The following IRGM variants were observed in gnomAD, a reference collection of about 807,000 sequenced individuals.
IRGM encodes the protein immunity-related GTPase family M protein.
For synonymous variants in IRGM, 98 were observed against 80.6 expected (o/e 1.22, Z -1.16); for missense variants, 288 against 219.9 (o/e 1.31, Z -1.96).
chr5:150,867,159 CCT>C (rs1264110955), intron 1 of IRGM, among the ~76,000 whole-genome samples: 2 of 152,166 alleles, frequency 1.3e-5, no homozygotes, highest in Non-Finnish European at 2.9e-5. Context: ...TCATCTTCCC[CCT>C]GAGTCACCAA....
chr5:150,850,646 C>G (rs1011693752), downstream of IRGM, among the ~76,000 whole-genome samples: 3 of 152,130 alleles, frequency 2.0e-5, no homozygotes, highest in Admixed American at 2.0e-4. Context: ...ACTTGAGCCT[C>G]GAACTCATGG....
chr5:150,900,610 C>T (rs372153411), exon 4 of IRGM: 10 of 152,052 alleles, frequency 6.6e-5, no homozygotes, highest in South Asian at 2.1e-4. Flanking sequence ...GAAAACTATA[C>T]GTAAATCTGC....
rs143586462 is a variant in IRGM, at chr5:150,885,752, T to C, written c.*140+6106T>C. 1.0e-3 allele frequency among the ~76,000 whole-genome samples: 154 copies of C among 152,272 alleles called. 1 individual carries two copies. Among genetic ancestry groups the C allele is most frequent in the African/African-American group, 3.6e-3 (148 of 41,584 alleles). ...GGTGTATAGGAATGCTGCTGATTTT[T>C]GTAAACTGATTTTGCATCCTGAAAC... On this transcript the variant is annotated intron_variant and NMD_transcript_variant, in intron 3 of 3. Coordinates refer to the IRGM transcript ENST00000520549.
intron 1 of IRGM, among the ~76,000 whole-genome samples, chr5:150,856,527 G>T (rs1002454192): frequency 6.6e-6 from 1 of 152,064 alleles, no homozygotes; most frequent in Non-Finnish European, 1.5e-5. Context: ...ATTTATATTT[G>T]TGTATCCTCT....
At chr5:150,851,918 G>A (rs1002213485), downstream of IRGM, among the ~76,000 whole-genome samples, 2 of 152,168 alleles carry the variant, frequency 1.3e-5, no homozygotes, top group Non-Finnish European at 1.5e-5. Flanking sequence ...AATGTAAAAA[G>A]CTCTAAACTT....
chr5:150,852,794 C>T (rs1753994868), downstream of IRGM, among the ~76,000 whole-genome samples: 1 of 151,962 alleles, frequency 6.6e-6, no homozygotes. Context: ...AATCAAACAA[C>T]TATTTCTATT....
intron 3 of IRGM, among the ~76,000 whole-genome samples, chr5:150,899,999 C>G (rs1754936985): frequency 6.6e-6 from 1 of 152,056 alleles, no homozygotes; most frequent in Non-Finnish European, 1.5e-5. Flanking sequence ...TCATCCCACA[C>G]CAATTCCATA....
At chr5:150,886,520 A>G (rs140883911) in intron 3 of IRGM, among the ~76,000 whole-genome samples, 3 of 151,982 alleles carry the variant, frequency 2.0e-5, no homozygotes, top group Non-Finnish European at 4.4e-5. Context: ...CTGTGAATCC[A>G]TGAAGTCCTA....
intron 1 of IRGM, among the ~76,000 whole-genome samples, chr5:150,867,727 A>C (rs1754227611): frequency 6.6e-6 from 1 of 151,822 alleles, no homozygotes; most frequent in South Asian, 2.1e-4. Flanking sequence ...TTTCCCGATA[A>C]TTAGTGATGT....
rs1223733911 is a variant in IRGM, at chr5:150,847,205, T to TC, written c.-426dup. On this transcript the variant is annotated 5_prime_UTR_variant, in exon 1 of 2. It removes the in-frame stop codon of an upstream open reading frame in the 5' UTR. Coordinates refer to ENST00000522154, the MANE Select transcript of IRGM (RefSeq NM_001145805.2). ...TTTCAGTACTGCTCTGCACGTGTGC[T>TC]CCCCCGCCTGATGAGGTAAGTGTTA... 2 of 152,284 alleles carry TC rather than the reference T, an allele frequency of 1.3e-5. No homozygotes were observed. Among genetic ancestry groups the TC allele is most frequent in the Non-Finnish European group, 2.9e-5 (2 of 68,044 alleles). The allele number at this position is 152,284 out of a possible 1,614,324, so 9.4% of individuals were successfully genotyped here. A position where few individuals can be genotyped will look rare whatever the true frequency, so the allele number is the denominator to read the frequency against.
At chr5:150,900,289 T>C (rs917315122) in intron 3 of IRGM, among the ~76,000 whole-genome samples, 2 of 152,126 alleles carry the variant, frequency 1.3e-5, no homozygotes, top group African/African-American at 4.8e-5. Context: ...GACCTTTCCA[T>C]GAAGCACTCT....
intron 1 of IRGM, among the ~76,000 whole-genome samples, chr5:150,858,408 G>A (rs973116789): frequency 1.6e-4 from 25 of 152,212 alleles, no homozygotes; most frequent in African/African-American, 6.0e-4. Flanking sequence ...TGGTGATGTG[G>A]GCTCTTTTTT....
intron 1 of IRGM, among the ~76,000 whole-genome samples, chr5:150,856,715 C>A (rs1418797689): frequency 1.3e-5 from 2 of 151,406 alleles, no homozygotes; most frequent in Non-Finnish European, 2.9e-5. Context: ...AGCAATCCAC[C>A]TGCCTCGGCC....
chr5:150,848,794 A>T, downstream of IRGM: 2 of 685,846 alleles, frequency 2.9e-6, no homozygotes, highest in Non-Finnish European at 4.9e-6. Flanking sequence ...GCATGTAGAG[A>T]GTGTGGTTGT....
chr5:150,896,074 C>T, intron 3 of IRGM: 1 of 1,613,460 alleles, frequency 6.2e-7, no homozygotes. Flanking sequence ...TGGGAAAAGG[C>T]CTTCCCACAC....
At chr5:150,901,365 AC>A (rs1754989434), downstream of IRGM, among the ~76,000 whole-genome samples, 1 of 152,146 alleles carries the variant, frequency 6.6e-6, no homozygotes, top group African/African-American at 2.4e-5. Context: ...ATCCTTAAAA[AC>A]TACTAGTGAG....
intron 3 of IRGM, among the ~76,000 whole-genome samples, chr5:150,882,786 C>T (rs1023248737): frequency 2.0e-4 from 31 of 152,148 alleles, no homozygotes; most frequent in African/African-American, 3.9e-4. Flanking sequence ...ACTTCTCTAC[C>T]GCAGCTTCAA....
chr5:150,856,871 A>T (rs1268842275), intron 1 of IRGM, among the ~76,000 whole-genome samples: 3 of 147,078 alleles, frequency 2.0e-5, no homozygotes, highest in African/African-American at 7.4e-5. Flanking sequence ...TTTATTAATT[A>T]TTAATTAATA....
chr5:150,889,649 CTTGCT>C, intron 3 of IRGM, among the ~76,000 whole-genome samples: 1 of 151,900 alleles, frequency 6.6e-6, no homozygotes, highest in East Asian at 1.9e-4. Context: ...AGAAGACATC[CTTGCT>C]TTGTTCTTTA....
Sources: gnomAD v4.1 joint callset for allele counts (sites outside exome capture counted in the v4.1 genomes callset) on GRCh38, gnomAD v4.1.1 for gene constraint, MANE v1.5 for transcripts, NCBI Gene and HGNC (gene_info 2026-07-23, HGNC 2026-07-21) for gene names.